ANXA8: variants seen among roughly 807,000 people sequenced by gnomAD.
ANXA8 encodes annexin A8.
In ANXA8, 9 loss-of-function variants were observed where a neutral mutation model predicts 26.8. The observed-to-expected ratio is 0.34, with a 90% CI of 0.20 to 0.59. ANXA8 has a LOEUF of 0.59. Among genes scored for constraint, ANXA8 ranks in the 20% least tolerant of loss-of-function variants. The pLI, the probability that ANXA8 is intolerant of heterozygous loss-of-function variation, is 0.84. For synonymous variants in ANXA8, 39 were observed against 94.8 expected, an observed-to-expected ratio of 0.41 and a Z score of 3.42; for missense variants, 83 against 238.5, an observed-to-expected ratio of 0.35 and a Z score of 4.29.
rs1350986361 is a variant in ANXA8, at chr10:47,475,094, T to C, written c.493-90A>G. ...GGATCCTGGGCTTGGAGGGCAGGCA[T>C]GGCTCTGCTGCTCTTTGGCTGTGGA... On this transcript the variant is annotated intron_variant, in intron 6 of 11. Transcript: ENST00000585281. 9 of 1,497,676 alleles carry C rather than the reference T, an allele frequency of 6.0e-6. 2 individuals carry two copies. Among genetic ancestry groups the C allele is most frequent in the Non-Finnish European group, 8.2e-6 (9 of 1,099,992 alleles). 92.8% of individuals were successfully genotyped at this position (1,497,676 alleles called of 1,614,324 possible). A position where few individuals can be genotyped will look rare whatever the true frequency, so the allele number is the denominator to read the frequency against.
chr10:47,625,784 C>T, the ANXA8 span, among the ~76,000 whole-genome samples: 2 of 150,528 alleles, frequency 1.3e-5, no homozygotes, highest in African/African-American at 2.5e-5. Context: ...TATTGTTATT[C>T]GCCGTAGCCA....
At chr10:47,492,576 A>G in the ANXA8 span, among the ~76,000 whole-genome samples, 1 of 144,366 alleles carries the variant, frequency 6.9e-6, no homozygotes, top group Non-Finnish European at 1.5e-5. Context: ...CTTAGTCACC[A>G]GCCCAACCTG....
At chr10:47,546,129 T>G in the ANXA8 span, among the ~76,000 whole-genome samples, 7 of 130,436 alleles carry the variant, frequency 5.4e-5, no homozygotes, top group African/African-American at 1.7e-4. Context: ...GTCTCTGACA[T>G]CCAAAGAATG....
chr10:47,639,892 C>T, the ANXA8 span, among the ~76,000 whole-genome samples: 1 of 145,608 alleles, frequency 6.9e-6, no homozygotes, highest in African/African-American at 2.6e-5. Context: ...ATCCTTCGAC[C>T]TCAGCCTCCC....
chr10:47,571,805 C>CT, the ANXA8 span, among the ~76,000 whole-genome samples: 2 of 146,892 alleles, frequency 1.4e-5, no homozygotes, highest in Admixed American at 6.8e-5. Flanking sequence ...ACCTGGCTAA[C>CT]TTTTTAATTT....
At chr10:47,506,765 G>T in the ANXA8 span, among the ~76,000 whole-genome samples, 1 of 144,908 alleles carries the variant, frequency 6.9e-6, no homozygotes, top group Non-Finnish European at 1.5e-5. Context: ...TCAGCCTCCA[G>T]AATACGTGGG....
chr10:47,744,421 GT>G, the ANXA8 span, among the ~76,000 whole-genome samples: 8 of 15,148 alleles, frequency 5.3e-4, no homozygotes, highest in Admixed American at 1.4e-3. Flanking sequence ...TGGGGGGGGG[GT>G]TGGGGGGGAG....
the ANXA8 span, among the ~76,000 whole-genome samples, chr10:47,950,609 G>A: frequency 2.0e-5 from 3 of 149,928 alleles, no homozygotes; most frequent in East Asian, 4.1e-4. Context: ...ACATTTAAGA[G>A]GACCAAAATA....
At chr10:47,777,095 C>T in the ANXA8 span, among the ~76,000 whole-genome samples, 54 of 151,998 alleles carry the variant, frequency 3.6e-4, no homozygotes, top group African/African-American at 9.9e-4. Context: ...TCTGGATTTC[C>T]GTATCTCCAG....
the ANXA8 span, among the ~76,000 whole-genome samples, chr10:47,975,588 G>A: frequency 0.71 from 105,284 of 147,954 alleles, 37,080 homozygotes; most frequent in Non-Finnish European, 0.8. Flanking sequence ...GAGCATTTAG[G>A]TGACTTAGTC....
chr10:47,660,143 A>G, the ANXA8 span, among the ~76,000 whole-genome samples: 5 of 147,002 alleles, frequency 3.4e-5, no homozygotes, highest in African/African-American at 1.3e-4. Context: ...AAAGTGAGTA[A>G]TAGTATGTAT....
the ANXA8 span, chr10:47,502,389 T>C: frequency 4.3e-6 from 7 of 1,609,568 alleles, no homozygotes; most frequent in South Asian, 2.2e-5. Context: ...CAGTGCAGGG[T>C]AGTGGGGCCA....
At chr10:47,621,818 C>A in the ANXA8 span, among the ~76,000 whole-genome samples, 1 of 106,116 alleles carries the variant, frequency 9.4e-6, no homozygotes, top group African/African-American at 3.8e-5. Context: ...CTCTTGTCGG[C>A]CAAGTTTACA....
the ANXA8 span, among the ~76,000 whole-genome samples, chr10:47,604,763 A>G: frequency 2.0e-5 from 3 of 152,420 alleles, no homozygotes; most frequent in Admixed American, 2.0e-4. Context: ...TTTCTGTCAG[A>G]TGTGGTAATT....
chr10:47,507,739 C>A, the ANXA8 span, among the ~76,000 whole-genome samples: 1 of 120,666 alleles, frequency 8.3e-6, no homozygotes, highest in South Asian at 2.8e-4. Context: ...GTTTTCATTT[C>A]TTTGTTTTTT....
the ANXA8 span, among the ~76,000 whole-genome samples, chr10:47,631,152 C>A: frequency 1.3e-5 from 2 of 150,094 alleles, no homozygotes; most frequent in East Asian, 3.8e-4. Context: ...GAAAATCATA[C>A]AAATATAATT....
the ANXA8 span, among the ~76,000 whole-genome samples, chr10:47,676,673 C>T: frequency 1.3e-5 from 2 of 151,654 alleles, no homozygotes; most frequent in Admixed American, 1.3e-4. Context: ...CACCTGTAAT[C>T]TCAGAACTTT....
At chr10:47,948,764 A>T in the ANXA8 span, among the ~76,000 whole-genome samples, 1 of 151,106 alleles carries the variant, frequency 6.6e-6, no homozygotes, top group Non-Finnish European at 1.5e-5. Context: ...CATGATGCTC[A>T]ATAGATCAAA....
the ANXA8 span, among the ~76,000 whole-genome samples, chr10:47,627,271 C>T: frequency 6.7e-6 from 1 of 150,014 alleles, no homozygotes; most frequent in South Asian, 2.1e-4. Flanking sequence ...TTTAATCAAA[C>T]CCAGTTTCTA....
Sources: gnomAD v4.1 joint callset for allele counts (sites outside exome capture counted in the v4.1 genomes callset) on GRCh38, gnomAD v4.1.1 for gene constraint, MANE v1.5 for transcripts, NCBI Gene and HGNC (gene_info 2026-07-23, HGNC 2026-07-21) for gene names.